The following SYT3 variants were observed in gnomAD, a reference collection of about 807,000 sequenced individuals.
SYT3 encodes synaptotagmin-3.
A neutral mutation model predicts 50.6 loss-of-function variants in SYT3; 25 were observed. The observed-to-expected ratio is 0.49, with a 90% CI of 0.36 to 0.69. The LOEUF is 0.69. SYT3 is among the 30% of genes least tolerant of loss of function. The probability of loss-of-function intolerance (pLI) is 0.00; values close to 1 mark genes in which losing one functional copy is unlikely to be tolerated. For synonymous variants in SYT3, 323 were observed against 353.9 expected (o/e 0.91, Z 0.98); for missense variants, 589 against 793.6 (o/e 0.74, Z 3.10).
intron 9 of SYT3, 189 bp downstream of exon 9, chr19:50,624,973 G>T: frequency 2.2e-6 from 1 of 462,874 alleles, no homozygotes; most frequent in Non-Finnish European, 3.6e-6. Flanking sequence ...ATTTCCTAGT[G>T]GGTAAATTGA....
At chr19:50,630,398 C>T (rs1984259131) in intron 4 of SYT3, among the ~76,000 whole-genome samples, 1 of 150,734 alleles carries the variant, frequency 6.6e-6, no homozygotes, top group Non-Finnish European at 1.5e-5. Flanking sequence ...CCCTCCCTCC[C>T]TCCCTCCCTT....
At chr19:50,622,785 G>A (rs754772190) in intron 9 of SYT3, 30 bp from the exon 10 acceptor site, 2 of 755,782 alleles carry the variant, frequency 2.6e-6, no homozygotes, top group East Asian at 2.5e-5. Context: ...AGGTTCGGGA[G>A]TGAGAGACAG....
the SYT3 span, among the ~76,000 whole-genome samples, chr19:50,657,000 G>T: frequency 6.7e-6 from 1 of 150,262 alleles, no homozygotes; most frequent in Non-Finnish European, 1.5e-5. Context: ...AGGAAGGGAG[G>T]GAGGGAAAGG....
rs1984350853 is a variant in SYT3 at position 50,632,534 on chromosome 19, A to C, written c.426T>G (p.Phe142Leu). ...HHAHAAHHPP[F>L]AELLEPGSLG... ...GGCTGCCTGGCTCCAGCAGCTCAGCAAAGGGTGGATGGTGGGCGGCATGGG... is the reference window on the plus strand; with the variant it reads ...GGCTGCCTGGCTCCAGCAGCTCAGCCAAGGGTGGATGGTGGGCGGCATGGG... The change falls in exon 4 of 11, where the codon TTT (phenylalanine) becomes TTG (leucine). Residue 142 changes from phenylalanine (F) to leucine (L), a missense_variant. By Grantham distance (22) the Phe-to-Leu change is conservative. Transcript: ENST00000600079. This position sits in a 1 kb window ranked among gnomAD's most constrained non-coding sequence, Gnocchi z 4.7. The C allele has an allele frequency of 6.2e-6, 10 of 1,607,204 alleles. No homozygotes were observed. Among genetic ancestry groups the C allele is most frequent in the African/African-American group, 1.3e-5 (1 of 75,000 alleles).
At chr19:50,631,408 C>T (rs879905620) in intron 4 of SYT3, among the ~76,000 whole-genome samples, 10 of 152,218 alleles carry the variant, frequency 6.6e-5, no homozygotes, top group Non-Finnish European at 1.2e-4. Context: ...AAGTGATCTG[C>T]CCACTTCGGC....
chr19:50,644,026 G>A (rs1407498154), upstream of SYT3, among the ~76,000 whole-genome samples: 1 of 152,200 alleles, frequency 6.6e-6, no homozygotes, highest in African/African-American at 2.4e-5. Context: ...CCTGGGGGCA[G>A]GAGGGAGTTT....
In SYT3 at chr19:50,639,398, G is replaced by C. The variant is rs1161584915; in HGVS notation, c.-153-236C>G. 6.6e-6 allele frequency: 1 copy of C among 151,238 alleles called. No individual in the cohort carries two copies. The highest frequency in any genetic ancestry group is 1.5e-5 in the Non-Finnish European group (1 of 67,910). 9.4% of individuals were successfully genotyped at this position (151,238 alleles called of 1,614,324 possible). A position where few individuals can be genotyped will look rare whatever the true frequency, so the allele number is the denominator to read the frequency against. On this transcript the variant is annotated intron_variant, in intron 1 of 10. Coordinates refer to ENST00000600079, the MANE Select transcript of SYT3 (RefSeq NM_001160329.2). This position sits in a 1 kb window ranked among gnomAD's most constrained non-coding sequence, Gnocchi z 4.6. ...GGAGTTGAAGTCCTTAATGCCTCCG[G>C]GCTGCAGAGAGGATGGGATTTTTTT...
chr19:50,637,471 A>C lies in SYT3; in HGVS notation c.-15-45T>G. 1 of 1,537,280 alleles carries C rather than the reference A, an allele frequency of 6.5e-7. No homozygotes were observed. Among genetic ancestry groups the C allele is most frequent in the Non-Finnish European group, 8.8e-7 (1 of 1,131,108 alleles). ...GGCAAGGGTGCAGATGGGAAACAGA[A>C]TGGGAGTGCAGGGTGGGCAGGTGTG... is the stretch of plus-strand genomic sequence containing the variant. On this transcript the variant is annotated intron_variant, in intron 2 of 10. Transcript: ENST00000600079. This position sits in a 1 kb window ranked among gnomAD's most constrained non-coding sequence, Gnocchi z 4.9.
chr19:50,648,131 T>C, the SYT3 span, among the ~76,000 whole-genome samples: 1 of 152,122 alleles, frequency 6.6e-6, no homozygotes, highest in Admixed American at 6.5e-5. Flanking sequence ...TCCCTCGTGT[T>C]GTCTTTGCTC....
the SYT3 span, among the ~76,000 whole-genome samples, chr19:50,648,988 G>A: frequency 1.3e-5 from 2 of 151,786 alleles, no homozygotes; most frequent in East Asian, 3.9e-4. Context: ...AAGACAAGGA[G>A]GGACGGGGGC....
chr19:50,638,599 G>A (rs1291442299), intron 2 of SYT3, among the ~76,000 whole-genome samples: 2 of 152,152 alleles, frequency 1.3e-5, no homozygotes, highest in African/African-American at 2.4e-5. Flanking sequence ...AATGAACCGA[G>A]ATGTAATTAA....
chr19:50,636,058 G>A (rs1257275249), intron 3 of SYT3, among the ~76,000 whole-genome samples: 1 of 152,128 alleles, frequency 6.6e-6, no homozygotes, highest in Non-Finnish European at 1.5e-5. Flanking sequence ...TTCGAGACCA[G>A]CCTGGCGAAC....
Position 50,637,475 on chromosome 19 carries a change from G to C in SYT3, c.-15-49C>G. On this transcript the variant is annotated intron_variant, in intron 2 of 10. Coordinates refer to ENST00000600079, the MANE Select transcript of SYT3 (RefSeq NM_001160329.2). This position sits in a 1 kb window ranked among gnomAD's most constrained non-coding sequence, Gnocchi z 4.9. Reference sequence around the variant, plus strand: ...AGGGTGCAGATGGGAAACAGAATGGGAGTGCAGGGTGGGCAGGTGTGGAGA... The same window carrying C: ...AGGGTGCAGATGGGAAACAGAATGGCAGTGCAGGGTGGGCAGGTGTGGAGA... 2 of 1,531,638 alleles carry C rather than the reference G, an allele frequency of 1.3e-6. No individual in the cohort carries two copies. The highest frequency in any genetic ancestry group is 3.4e-5 in the Admixed American group (2 of 58,320). The allele number at this position is 1,531,638 out of a possible 1,614,324, so 94.9% of individuals were successfully genotyped here. A position where few individuals can be genotyped will look rare whatever the true frequency, so the allele number is the denominator to read the frequency against.
chr19:50,626,530 A>C (rs1312628050), intron 6 of SYT3, among the ~76,000 whole-genome samples: 1 of 128,712 alleles, frequency 7.8e-6, no homozygotes, highest in Non-Finnish European at 1.6e-5. Context: ...CCCAGAGAGG[A>C]GGACAGAGAC....
Position 50,637,453 on chromosome 19 carries a change from G to T in SYT3, c.-15-27C>A. The T allele has an allele frequency of 6.4e-7, 1 of 1,566,828 alleles. No homozygotes were observed. On this transcript the variant is annotated intron_variant, in intron 2 of 10. Coordinates refer to ENST00000600079, the MANE Select transcript of SYT3 (RefSeq NM_001160329.2). This position sits in a 1 kb window ranked among gnomAD's most constrained non-coding sequence, Gnocchi z 4.9. ...TGTGTGTGGGAGGGATGGGGCAAGG[G>T]TGCAGATGGGAAACAGAATGGGAGT...
At chr19:50,629,186 T>C in intron 6 of SYT3, 108 bp downstream of exon 6, 1 of 866,094 alleles carries the variant, frequency 1.2e-6, no homozygotes, top group Non-Finnish European at 1.7e-6. Context: ...AACAGAAAAA[T>C]GTGGGGACAA....
chr19:50,649,530 G>T, the SYT3 span: 13 of 1,535,850 alleles, frequency 8.5e-6, no homozygotes, highest in Non-Finnish European at 1.1e-5. Flanking sequence ...CTGTGTCTTT[G>T]GGGGAAGGGG....
intron 6 of SYT3, among the ~76,000 whole-genome samples, chr19:50,628,455 T>C (rs112486386): frequency 0.026 from 4,010 of 152,192 alleles, 206 homozygotes; most frequent in African/African-American, 0.091. Context: ...GATCCCAGGA[T>C]GGCTGAGGCC....
At chr19:50,649,192 T>TC in the SYT3 span, among the ~76,000 whole-genome samples, 3 of 150,464 alleles carry the variant, frequency 2.0e-5, no homozygotes, top group Non-Finnish European at 4.4e-5. Flanking sequence ...AAAGGGACTC[T>TC]AGGAGACAGA....
Sources: allele counts gnomAD v4.1 joint callset (sites outside exome capture counted in the v4.1 genomes callset), GRCh38; gene constraint gnomAD v4.1.1; non-coding constraint Gnocchi (gnomAD v3.1); transcripts MANE v1.5; gene names NCBI Gene and HGNC (gene_info 2026-07-23, HGNC 2026-07-21).